CASK: variants seen among roughly 807,000 people sequenced by gnomAD.
The protein encoded by CASK is peripheral plasma membrane protein CASK.
Under a neutral mutation model 82.9 loss-of-function variants are expected in CASK, and 4 were observed. The ratio of observed to expected loss-of-function variants is 0.05; its 90% CI spans 0.02 to 0.11. The LOEUF (loss-of-function observed/expected upper bound fraction) is 0.11, where lower values mean the gene tolerates loss of function less well. Among genes scored for constraint, CASK ranks in the 10% least tolerant of loss-of-function variants. The probability of loss-of-function intolerance (pLI) is 1.00; values close to 1 mark genes in which losing one functional copy is unlikely to be tolerated. For missense variants in CASK, 358 were observed against 720.9 expected (o/e 0.50, Z 5.76); for synonymous variants, 259 against 253.5 (o/e 1.02, Z -0.20).
Position 41,734,474 on chromosome X carries a change from G to C in CASK, c.429+4910C>G, listed in dbSNP as rs1013333225. On this transcript the variant is annotated intron_variant, in intron 5 of 26. Coordinates refer to ENST00000378163, the MANE Select transcript of CASK (RefSeq NM_001367721.1). The stretch of plus-strand genomic sequence containing the variant: ...ACTTTTAATTTAGGGGTGAGAGGAA[G>C]AAAAAAAAATACCAGAAACATAATG... 1.1e-4 allele frequency among the ~76,000 whole-genome samples: 12 copies of C among 107,173 alleles called. 1 individual carries two copies. The highest frequency in any genetic ancestry group is 9.0e-4 in the Admixed American group (9 of 10,015). The allele number at this position is 107,173 out of a possible 115,157, so 93.1% of individuals were successfully genotyped here. A position where few individuals can be genotyped will look rare whatever the true frequency, so the allele number is the denominator to read the frequency against.
intron 3 of CASK, among the ~76,000 whole-genome samples, chrX:41,769,181 CTTTTCT>C (rs1209167826): frequency 4.6e-3 from 480 of 104,273 alleles, no homozygotes; most frequent in African/African-American, 0.015. Flanking sequence ...GTACTTTTTT[CTTTTCT>C]TTTTCTTTTT....
chrX:41,756,698 T>C (rs2068903064), intron 3 of CASK, among the ~76,000 whole-genome samples: 1 of 112,485 alleles, frequency 8.9e-6, no homozygotes. Flanking sequence ...TCATTCAATG[T>C]TTACACGAGA....
chrX:41,812,269 T>G (rs770552594), intron 2 of CASK, among the ~76,000 whole-genome samples: 1 of 111,705 alleles, frequency 9.0e-6, no homozygotes, highest in East Asian at 2.8e-4. Flanking sequence ...TACCAAAGGC[T>G]GGCAGAGGCA....
At chrX:41,814,717 G>C (rs1224423413) in intron 2 of CASK, among the ~76,000 whole-genome samples, 1 of 110,264 alleles carries the variant, frequency 9.1e-6, no homozygotes, top group Non-Finnish European at 1.9e-5. Context: ...TTGTGCACAT[G>C]TACCCTAGAA....
Position 41,536,014 on chromosome X carries a change from T to C in CASK, c.2156-1041A>G, listed in dbSNP as rs535844325. Among the ~76,000 whole-genome samples the C allele has an allele frequency of 2.7e-5, 3 of 112,029 alleles. No individual in the cohort carries two copies. The South Asian group carries it at 1.1e-3, about 42-fold the overall frequency. On this transcript the variant is annotated intron_variant, in intron 22 of 26. Coordinates refer to ENST00000378163, the MANE Select transcript of CASK (RefSeq NM_001367721.1). ...GTCAGTTACATACTGACATTTCTTT[T>C]TTTAAAGAATATTGAATAAACCCTG...
At chrX:41,708,045 G>T (rs1266061684) in intron 5 of CASK, among the ~76,000 whole-genome samples, 1 of 106,979 alleles carries the variant, frequency 9.3e-6, no homozygotes, top group Non-Finnish European at 1.9e-5. Context: ...TTGAACCAGG[G>T]AGTTGGAGGT....
chrX:41,845,204 T>C (rs1326936279), intron 2 of CASK, among the ~76,000 whole-genome samples: 1 of 112,136 alleles, frequency 8.9e-6, no homozygotes, highest in African/African-American at 3.2e-5. Context: ...AGTTGGTTTC[T>C]AGTGTTGCCC....
At chrX:41,694,848 C>A (rs996681594) in intron 5 of CASK, among the ~76,000 whole-genome samples, 1 of 111,638 alleles carries the variant, frequency 9.0e-6, no homozygotes, top group Non-Finnish European at 1.9e-5. Context: ...CTTCTTTATT[C>A]CCACTTATAG....
chrX:41,748,180 A>C (rs978551391), intron 3 of CASK: 2 of 113,402 alleles, frequency 1.8e-5, no homozygotes, highest in African/African-American at 6.5e-5. Flanking sequence ...ATAAGAATTT[A>C]GGCTCTTTCT....
chrX:41,699,824 A>G (rs2067758963), intron 5 of CASK, among the ~76,000 whole-genome samples: 1 of 111,261 alleles, frequency 9.0e-6, no homozygotes, highest in African/African-American at 3.3e-5. Flanking sequence ...GAATCCTGAG[A>G]AGGTTTCTAA....
chrX:41,607,281 T>C (rs1228459473), intron 12 of CASK, among the ~76,000 whole-genome samples: 1 of 112,208 alleles, frequency 8.9e-6, no homozygotes, highest in African/African-American at 3.2e-5. Context: ...TCAAGCTTGA[T>C]GTGCTCAGAT....
At chrX:41,837,009 G>C (rs1371388240) in intron 2 of CASK, among the ~76,000 whole-genome samples, 1 of 111,923 alleles carries the variant, frequency 8.9e-6, no homozygotes, top group Admixed American at 9.5e-5. Context: ...ATATCAGTCA[G>C]GGTTTGCCTG....
intron 5 of CASK, among the ~76,000 whole-genome samples, chrX:41,717,468 GAGTTTATAGAGATA>G (rs1350193302): frequency 8.9e-6 from 1 of 112,034 alleles, no homozygotes; most frequent in Non-Finnish European, 1.9e-5. Context: ...AAAAGTTTGG[GAGTTTATAGAGATA>G]AGGAAAAATA....
At position 41,853,891 on chromosome X, in the gene CASK, T is replaced by C. The variant is rs371780695; in HGVS notation, c.60-664A>G. Among the ~76,000 whole-genome samples, 12 of 111,054 alleles carry C rather than the reference T, an allele frequency of 1.1e-4. No homozygotes were observed. In the East Asian group the frequency reaches 3.4e-3, roughly 32 times the overall value. ...ATACAGTCCAAGTCAAGAACCAAAA[T>C]ATATAAGTAACTTGTAAATACAATA... On this transcript the variant is annotated intron_variant, in intron 1 of 26. Coordinates refer to ENST00000378163, the MANE Select transcript of CASK (RefSeq NM_001367721.1).
intron 5 of CASK, among the ~76,000 whole-genome samples, chrX:41,684,100 C>A (rs2067405575): frequency 8.9e-6 from 1 of 112,212 alleles, no homozygotes; most frequent in South Asian, 3.7e-4. Flanking sequence ...ATTATCGTAA[C>A]TGATTCAGGT....
intron 8 of CASK, among the ~76,000 whole-genome samples, chrX:41,639,185 T>G (rs963494597): frequency 9.3e-6 from 1 of 107,938 alleles, no homozygotes; most frequent in African/African-American, 3.4e-5. Flanking sequence ...GCAAATCTCC[T>G]GCCTCAGCCT....
At chrX:41,733,123 C>T (rs1419194445) in intron 5 of CASK, among the ~76,000 whole-genome samples, 1 of 100,306 alleles carries the variant, frequency 1.0e-5, no homozygotes, top group African/African-American at 3.7e-5. Flanking sequence ...TTGCAGTGAG[C>T]TGAGACCGTG....
intron 14 of CASK, chrX:41,586,119 C>T (rs2065655759): frequency 8.9e-6 from 1 of 112,101 alleles, no homozygotes; most frequent in African/African-American, 3.2e-5. Context: ...CACTGCACTC[C>T]ACCCTGGGTG....
chrX:41,621,560 T>C (rs188641193), intron 11 of CASK, among the ~76,000 whole-genome samples: 2 of 111,579 alleles, frequency 1.8e-5, no homozygotes, highest in Non-Finnish European at 1.9e-5. Flanking sequence ...TCCGGTGAGA[T>C]AGCAGCACTG....
Sources: allele counts gnomAD v4.1 joint callset (sites outside exome capture counted in the v4.1 genomes callset), GRCh38; gene constraint gnomAD v4.1.1; transcripts MANE v1.5; gene names NCBI Gene and HGNC (gene_info 2026-07-23, HGNC 2026-07-21).